FAM234A: variants seen among roughly 807,000 people sequenced by gnomAD.
FAM234A encodes the protein protein FAM234A.
Under a neutral mutation model 49.1 loss-of-function variants are expected in FAM234A, and 42 were observed. That is an observed-to-expected ratio of 0.86 (90% CI 0.67 to 1.11). FAM234A has a LOEUF of 1.11. Ranked by LOEUF, FAM234A falls within the 50% of genes least tolerant of loss-of-function variation. The pLI, the probability that FAM234A is intolerant of heterozygous loss-of-function variation, is 0.00. For synonymous variants in FAM234A, 369 were observed against 316.2 expected, an observed-to-expected ratio of 1.17 and a Z score of -1.77; for missense variants, 815 against 745.2, an observed-to-expected ratio of 1.09 and a Z score of -1.09.
In FAM234A at chr16:264,006, C is replaced by T. The variant is rs1243589702; in HGVS notation, c.1189-10C>T. 1 of 1,607,726 alleles carries T rather than the reference C, an allele frequency of 6.2e-7. No individual in the cohort carries two copies. The highest frequency in any genetic ancestry group is 2.2e-5 in the East Asian group (1 of 44,762). Reference sequence around the variant, plus strand: ...CACGTTGGCCCCCACAGTGTCCCCTCCCTCCCCAGATCCTGTTTCTGGACC... The same window carrying T: ...CACGTTGGCCCCCACAGTGTCCCCTTCCTCCCCAGATCCTGTTTCTGGACC... On this transcript the variant is annotated splice_polypyrimidine_tract_variant and intron_variant, in intron 10 of 12. Transcript: ENST00000399932.
intron 2 of FAM234A, among the ~76,000 whole-genome samples, chr16:250,380 CT>C (rs1247475330): frequency 6.7e-6 from 1 of 149,078 alleles, no homozygotes; most frequent in Non-Finnish European, 1.5e-5. Context: ...CTGTTGCTGG[CT>C]TTTTCCCTAG....
At chr16:257,933 C>G (rs949770977) in intron 3 of FAM234A, among the ~76,000 whole-genome samples, 8 of 152,048 alleles carry the variant, frequency 5.3e-5, no homozygotes, top group Non-Finnish European at 1.0e-4. Flanking sequence ...TCTCAACTGA[C>G]TGCAGCCTCC....
At chr16:253,187 G>C (rs1005576130) in intron 2 of FAM234A, among the ~76,000 whole-genome samples, 2 of 152,044 alleles carry the variant, frequency 1.3e-5, no homozygotes, top group African/African-American at 4.8e-5. Context: ...CTAAGACGGC[G>C]ACTGCCGGTT....
At chr16:261,950 C>T in intron 6 of FAM234A, 143 bp from the exon 7 acceptor site, 2 of 1,179,096 alleles carry the variant, frequency 1.7e-6, no homozygotes, top group Non-Finnish European at 1.2e-6. Flanking sequence ...TGTAGAGTGC[C>T]CCGCCCCCAG....
intron 5 of FAM234A, 199 bp from the exon 6 acceptor site, chr16:261,185 A>T: frequency 1.8e-6 from 1 of 564,342 alleles, no homozygotes; most frequent in Non-Finnish European, 3.1e-6. Context: ...TGTGTCCACC[A>T]CCTCCGCGTG....
chr16:235,356 G>A lies in FAM234A; in HGVS notation c.-140+499G>A, dbSNP rs539108794. Among the ~76,000 whole-genome samples the A allele has an allele frequency of 2.0e-5, 3 of 152,286 alleles. No individual in the cohort carries two copies. The South Asian group carries it at 6.2e-4, about 32-fold the overall frequency. On this transcript the variant is annotated intron_variant, in intron 1 of 12. Coordinates refer to ENST00000399932, the MANE Select transcript of FAM234A (RefSeq NM_032039.4). Reference sequence around the variant, plus strand: ...CGCTGTCTGCAAGCTTGTCCGTCCGGCACCCCGGGAAAGCTCCCCGAGCGC... The same window carrying A: ...CGCTGTCTGCAAGCTTGTCCGTCCGACACCCCGGGAAAGCTCCCCGAGCGC...
chr16:254,954 C>G (rs1414523273), intron 3 of FAM234A, among the ~76,000 whole-genome samples: 1 of 152,206 alleles, frequency 6.6e-6, no homozygotes, highest in Non-Finnish European at 1.5e-5. Context: ...CTCCGGAGTT[C>G]AAGCGATTCT....
intron 3 of FAM234A, 47 bp from the exon 4 acceptor site, chr16:259,436 A>C (rs1461419297): frequency 1.8e-6 from 2 of 1,125,594 alleles, no homozygotes; most frequent in South Asian, 2.5e-5. Flanking sequence ...TCGTTCCTGG[A>C]AACCAGGCAT....
At chr16:269,585 C>A, downstream of FAM234A, 1 of 1,612,218 alleles carries the variant, frequency 6.2e-7, no homozygotes, top group Non-Finnish European at 8.5e-7. Flanking sequence ...GGGTAGGAGT[C>A]CTACAAGAGA....
intron 3 of FAM234A, among the ~76,000 whole-genome samples, chr16:258,494 C>T (rs1256769810): frequency 2.2e-5 from 3 of 136,434 alleles, no homozygotes; most frequent in African/African-American, 9.9e-5. Flanking sequence ...TCAACAGGAT[C>T]CCAAGGCAGA....
intron 1 of FAM234A, among the ~76,000 whole-genome samples, chr16:236,438 C>T (rs1380077256): frequency 6.6e-6 from 1 of 151,446 alleles, no homozygotes; most frequent in African/African-American, 2.4e-5. Context: ...TCCTGTCCAA[C>T]ATGGTGAAAT....
chr16:239,294 T>C (rs373249800), intron 1 of FAM234A, among the ~76,000 whole-genome samples: 533 of 123,688 alleles, frequency 4.3e-3, no homozygotes, highest in African/African-American at 0.016. Flanking sequence ...AGCAAGACTC[T>C]GACTCAAGAA....
intron 2 of FAM234A, among the ~76,000 whole-genome samples, chr16:251,469 G>A (rs1345413908): frequency 6.6e-6 from 1 of 151,578 alleles, no homozygotes; most frequent in East Asian, 1.9e-4. Context: ...CCACCCCCCT[G>A]GGCTCTAGTG....
At chr16:268,937 G>A (rs1355539184), downstream of FAM234A, 3 of 1,550,406 alleles carry the variant, frequency 1.9e-6, no homozygotes, top group Admixed American at 2.0e-5. Flanking sequence ...ATGGGGATGG[G>A]CACCCAGTGC....
intron 1 of FAM234A, among the ~76,000 whole-genome samples, chr16:247,493 C>T (rs1308400949): frequency 6.6e-6 from 1 of 151,692 alleles, no homozygotes; most frequent in East Asian, 1.9e-4. Context: ...AGTGCGATGG[C>T]TCAATCTCGG....
intron 1 of FAM234A, among the ~76,000 whole-genome samples, chr16:235,700 A>G (rs908236670): frequency 1.3e-5 from 2 of 152,278 alleles, no homozygotes; most frequent in East Asian, 1.9e-4. Flanking sequence ...TCTGCATCCA[A>G]TTAGAGCAGA....
chr16:238,767 A>T (rs1373751975), intron 1 of FAM234A, among the ~76,000 whole-genome samples: 1 of 141,490 alleles, frequency 7.1e-6, no homozygotes, highest in East Asian at 2.1e-4. Flanking sequence ...CTCCGTCTCA[A>T]AAAAAAAAAA....
At chr16:264,576 G>A (rs2051616420) in intron 11 of FAM234A, 38 bp from the exon 12 acceptor site, 3 of 1,388,580 alleles carry the variant, frequency 2.2e-6, no homozygotes, top group South Asian at 1.2e-5. Flanking sequence ...GGAGTGCTCA[G>A]TGAAGGGCGT....
At chr16:261,768 G>A (rs1404118495) in intron 6 of FAM234A, among the ~76,000 whole-genome samples, 2 of 152,236 alleles carry the variant, frequency 1.3e-5, no homozygotes, top group Non-Finnish European at 2.9e-5. Flanking sequence ...GCAGTGTTGG[G>A]GGTGAAGCTC....
Sources: allele counts gnomAD v4.1 joint callset (sites outside exome capture counted in the v4.1 genomes callset), GRCh38; gene constraint gnomAD v4.1.1; transcripts MANE v1.5; gene names NCBI Gene and HGNC (gene_info 2026-07-23, HGNC 2026-07-21).